USO1: variants seen among roughly 807,000 people sequenced by gnomAD.
The protein encoded by USO1 is general vesicular transport factor p115.
Under a neutral mutation model 124.5 loss-of-function variants are expected in USO1, and 57 were observed. The ratio of observed to expected loss-of-function variants is 0.46; its 90% CI spans 0.37 to 0.57. The LOEUF is 0.57. USO1 is among the 20% of genes least tolerant of loss of function. The pLI is 0.00. For missense variants in USO1, 900 were observed against 1,040.6 expected, an observed-to-expected ratio of 0.86 and a Z score of 1.86; for synonymous variants, 369 against 362.8, an observed-to-expected ratio of 1.02 and a Z score of -0.19.
At chr4:75,764,753 T>C (rs1012686764) in intron 4 of USO1, among the ~76,000 whole-genome samples, 9 of 152,202 alleles carry the variant, frequency 5.9e-5, no homozygotes, top group African/African-American at 2.2e-4. Flanking sequence ...AGCAAGGCTG[T>C]TTGACCCACA....
chr4:75,813,504 C>T lies in USO1; in HGVS notation c.*209C>T. 4.9e-6 allele frequency: 2 copies of T among 406,568 alleles called. No homozygotes were observed. The highest frequency in any genetic ancestry group is 8.1e-6 in the Non-Finnish European group (2 of 246,204). The allele number at this position is 406,568 out of a possible 1,614,324, so 25.2% of individuals were successfully genotyped here. A position where few individuals can be genotyped will look rare whatever the true frequency, so the allele number is the denominator to read the frequency against. On this transcript the variant is annotated 3_prime_UTR_variant, in exon 24 of 24. Transcript: ENST00000514213. ...AGAACACACATCTTTTATTTAAATC[C>T]ATCTGAACTGTCCCAAAATGTAATT...
At chr4:75,733,626 G>A (rs1040143338) in intron 1 of USO1, among the ~76,000 whole-genome samples, 1 of 152,106 alleles carries the variant, frequency 6.6e-6, no homozygotes, top group African/African-American at 2.4e-5. Flanking sequence ...TGTATTGTTT[G>A]GAGAAGTGTC....
At chr4:75,740,050 T>A (rs1451733444) in intron 1 of USO1, among the ~76,000 whole-genome samples, 1 of 152,110 alleles carries the variant, frequency 6.6e-6, no homozygotes, top group African/African-American at 2.4e-5. Context: ...TAAGATGTCT[T>A]TGGCCACATG....
At chr4:75,789,924 A>C (rs1334722080) in intron 10 of USO1, among the ~76,000 whole-genome samples, 1 of 152,010 alleles carries the variant, frequency 6.6e-6, no homozygotes, top group Non-Finnish European at 1.5e-5. Context: ...TTATAATGTT[A>C]TCATTGATGT....
chr4:75,775,258 G>A (rs563152195), intron 8 of USO1, among the ~76,000 whole-genome samples: 1 of 152,198 alleles, frequency 6.6e-6, no homozygotes, highest in African/African-American at 2.4e-5. Flanking sequence ...ACGAACCCCA[G>A]CTGGGCTTGA....
chr4:75,737,572 G>A (rs1328680987), intron 1 of USO1, among the ~76,000 whole-genome samples: 1 of 152,084 alleles, frequency 6.6e-6, no homozygotes, highest in African/African-American at 2.4e-5. Flanking sequence ...TTGCATGCGT[G>A]TAGTCCCAGC....
In USO1 at chr4:75,810,843, G is replaced by A. The variant is rs539210442; in HGVS notation, c.2583+304G>A. On this transcript the variant is annotated intron_variant, in intron 22 of 23. Coordinates refer to ENST00000514213, the MANE Select transcript of USO1 (RefSeq NM_003715.4). The stretch of plus-strand genomic sequence containing the variant: ...CCTCCCAGGTTCAAGCAATTCTCCC[G>A]CCTCAACCTACTGAGTAGCTGGGAC... 1.1e-4 allele frequency among the ~76,000 whole-genome samples: 16 copies of A among 152,092 alleles called. No homozygotes were observed. The South Asian group carries it at 1.2e-3, about 12-fold the overall frequency.
chr4:75,732,259 A>G (rs897803580), intron 1 of USO1, among the ~76,000 whole-genome samples: 2 of 151,984 alleles, frequency 1.3e-5, no homozygotes, highest in African/African-American at 4.8e-5. Flanking sequence ...GAAATGCAGT[A>G]TTTGGTTTTC....
In USO1 at chr4:75,779,382, G is replaced by C. The variant is rs144463356; in HGVS notation, c.677-3298G>C. On this transcript the variant is annotated intron_variant, in intron 8 of 23. Coordinates refer to ENST00000514213, the MANE Select transcript of USO1 (RefSeq NM_003715.4). ...TTCTCTGCTGAAGATACAGAGGAAG[G>C]CATGTTAAAAGCTGAGGCCAAAAGC... Among the ~76,000 whole-genome samples the C allele has an allele frequency of 3.1e-3, 472 of 152,332 alleles. 1 individual carries two copies. Among genetic ancestry groups the C allele is most frequent in the African/African-American group, 0.01 (424 of 41,568 alleles).
intron 4 of USO1, among the ~76,000 whole-genome samples, chr4:75,769,417 A>G (rs1404588879): frequency 6.6e-6 from 1 of 152,138 alleles, no homozygotes; most frequent in Admixed American, 6.5e-5. Context: ...CTCTATAAAC[A>G]ATTAGATGGG....
At chr4:75,725,902 A>G (rs1720426893) in intron 1 of USO1, among the ~76,000 whole-genome samples, 1 of 152,164 alleles carries the variant, frequency 6.6e-6, no homozygotes, top group Non-Finnish European at 1.5e-5. Flanking sequence ...TGAGCTCTTT[A>G]TATTCCACAT....
intron 4 of USO1, chr4:75,760,733 G>T: frequency 5.1e-6 from 2 of 388,914 alleles, no homozygotes; most frequent in East Asian, 7.3e-5. Context: ...TACTATATAA[G>T]AATTCTTTAA....
intron 7 of USO1, among the ~76,000 whole-genome samples, chr4:75,773,227 A>G (rs1319152623): frequency 1.3e-5 from 2 of 152,088 alleles, no homozygotes; most frequent in East Asian, 3.8e-4. Context: ...GTGTCTATTT[A>G]TATTGGTTTT....
At position 75,724,654 on chromosome 4, in the gene USO1, T is replaced by C. The variant is rs1426160459; in HGVS notation, c.-166T>C. 6.3e-6 allele frequency: 4 copies of C among 634,928 alleles called. No individual in the cohort carries two copies. Among genetic ancestry groups the C allele is most frequent in the African/African-American group, 1.9e-5 (1 of 51,898 alleles). 39.3% of individuals were successfully genotyped at this position (634,928 alleles called of 1,614,324 possible). ...GCGCATCTTGGCCGCTGCTGGCGGC[T>C]GTTTCCGGGCTTAGAGGGCTGGAGT... On this transcript the variant is annotated 5_prime_UTR_variant, in exon 1 of 24. Transcript: ENST00000514213.
Position 75,787,187 on chromosome 4 carries a change from T to C in USO1, c.981T>C (p.Ala327=). ...TCCTAATGGCTACTGGGGTTCCTGC[T>C]GATATCCTGACTGAGGTAAAGCAAA... is the stretch of plus-strand genomic sequence containing the variant. ...CTILMATGVP[A]DILTETINTV... Residue 327 remains alanine, a synonymous_variant, in exon 10 of 24, where the codon GCT becomes GCC. Transcript: ENST00000514213. 1 of 1,547,134 alleles carries C rather than the reference T, an allele frequency of 6.5e-7. No homozygotes were observed. Among genetic ancestry groups the C allele is most frequent in the South Asian group, 1.2e-5 (1 of 80,630 alleles).
At chr4:75,738,047 C>G (rs1720845669) in intron 1 of USO1, among the ~76,000 whole-genome samples, 1 of 151,072 alleles carries the variant, frequency 6.6e-6, no homozygotes, top group Non-Finnish European at 1.5e-5. Context: ...GTTGGCCAGG[C>G]TGGTCTCGAA....
chr4:75,779,584 G>A (rs532401353), intron 8 of USO1, among the ~76,000 whole-genome samples: 11 of 152,332 alleles, frequency 7.2e-5, no homozygotes, highest in Non-Finnish European at 1.3e-4. Context: ...TAAGCCAAGC[G>A]TAATCCAGAG....
At chr4:75,789,699 CTT>C (rs1442143189) in intron 10 of USO1, among the ~76,000 whole-genome samples, 2 of 151,840 alleles carry the variant, frequency 1.3e-5, no homozygotes, top group African/African-American at 2.4e-5. Flanking sequence ...TTGAAATAGT[CTT>C]TTTATTTTTT....
At chr4:75,756,501 A>T (rs1721447902) in intron 3 of USO1, among the ~76,000 whole-genome samples, 1 of 103,868 alleles carries the variant, frequency 9.6e-6, no homozygotes, top group Admixed American at 1.2e-4. Flanking sequence ...ATTGTCTTTC[A>T]TAATAATTTT....
Sources: allele counts gnomAD v4.1 joint callset (sites outside exome capture counted in the v4.1 genomes callset), GRCh38; gene constraint gnomAD v4.1.1; transcripts MANE v1.5; gene names NCBI Gene and HGNC (gene_info 2026-07-23, HGNC 2026-07-21).